Variants in TENM3 observed in about 807,000 individuals in gnomAD.
The protein encoded by TENM3 is teneurin transmembrane protein 3, also known as teneurin-3.
TENM3 carries 63 observed loss-of-function variants against 255.1 expected under a neutral mutation model. The ratio of observed to expected loss-of-function variants is 0.25; its 90% CI spans 0.20 to 0.30. TENM3 has a LOEUF of 0.30. Ranked by LOEUF, TENM3 falls within the 10% of genes least tolerant of loss-of-function variation. The probability of loss-of-function intolerance (pLI) is 1.00; values close to 1 mark genes in which losing one functional copy is unlikely to be tolerated. For missense variants in TENM3, 2,929 were observed against 3,461.1 expected (o/e 0.85, Z 3.86); for synonymous variants, 1,306 against 1,322.3 (o/e 0.99, Z 0.27).
chr4:182,745,649 A>C (rs929894527), intron 19 of TENM3, among the ~76,000 whole-genome samples: 1 of 152,196 alleles, frequency 6.6e-6, no homozygotes, highest in African/African-American at 2.4e-5. Context: ...AATGGGTAGC[A>C]GACAGTTAAA....
chr4:181,673,517 C>T, the TENM3 span, among the ~76,000 whole-genome samples: 3 of 151,976 alleles, frequency 2.0e-5, no homozygotes, highest in Non-Finnish European at 4.4e-5. Context: ...TGAATATCTA[C>T]AATATAATAA....
At chr4:181,896,830 G>A in the TENM3 span, among the ~76,000 whole-genome samples, 3 of 152,178 alleles carry the variant, frequency 2.0e-5, no homozygotes, top group Non-Finnish European at 4.4e-5. Context: ...CACATAGCTG[G>A]GCTCTGATTA....
the TENM3 span, among the ~76,000 whole-genome samples, chr4:181,652,299 G>A: frequency 3.9e-5 from 6 of 152,148 alleles, no homozygotes; most frequent in African/African-American, 1.2e-4. Flanking sequence ...CTTTGCAGAA[G>A]TCAGTAAGGG....
intron 3 of TENM3, among the ~76,000 whole-genome samples, chr4:182,405,021 T>C (rs1464339216): frequency 1.3e-5 from 2 of 152,074 alleles, no homozygotes; most frequent in African/African-American, 2.4e-5. Context: ...GGAACTTTAT[T>C]GTATTGCGGG....
At chr4:181,502,975 G>A in the TENM3 span, among the ~76,000 whole-genome samples, 5 of 152,144 alleles carry the variant, frequency 3.3e-5, no homozygotes, top group Non-Finnish European at 5.9e-5. Flanking sequence ...CAGACCACTC[G>A]CTGGCCGTGA....
At position 182,802,024 on chromosome 4, in the gene TENM3, A is replaced by T. The variant is rs1767008867; in HGVS notation, c.*1673A>T. ...TGGTGATAAAATATAGCAAGTGAACATGTCGTAAATATAAAGGTTCAAGTG... is the reference window on the plus strand; with the variant it reads ...TGGTGATAAAATATAGCAAGTGAACTTGTCGTAAATATAAAGGTTCAAGTG... On this transcript the variant is annotated 3_prime_UTR_variant, in exon 28 of 28. Coordinates refer to ENST00000511685, the MANE Select transcript of TENM3 (RefSeq NM_001080477.4). The T allele has an allele frequency of 6.5e-6, 1 of 152,694 alleles. No homozygotes were observed. The highest frequency in any genetic ancestry group is 1.5e-5 in the Non-Finnish European group (1 of 68,038). 9.5% of individuals were successfully genotyped at this position (152,694 alleles called of 1,614,324 possible).
intron 19 of TENM3, among the ~76,000 whole-genome samples, chr4:182,751,308 T>C (rs1203774317): frequency 1.3e-5 from 2 of 151,930 alleles, no homozygotes; most frequent in Non-Finnish European, 2.9e-5. Flanking sequence ...GGTACATTTC[T>C]TCAGGGGGAG....
the TENM3 span, among the ~76,000 whole-genome samples, chr4:181,673,505 A>G: frequency 6.6e-6 from 1 of 152,174 alleles, no homozygotes; most frequent in Non-Finnish European, 1.5e-5. Flanking sequence ...GGAATCATAT[A>G]TTGAATATCT....
At chr4:181,987,135 C>G in the TENM3 span, among the ~76,000 whole-genome samples, 1 of 152,056 alleles carries the variant, frequency 6.6e-6, no homozygotes, top group South Asian at 2.1e-4. Context: ...TGTTTTATCC[C>G]TGATCCCAGT....
In TENM3 at chr4:182,679,765, A is replaced by G. The variant is rs774002460; in HGVS notation, c.1426A>G (p.Ser476Gly). 46 of 1,613,864 alleles carry G rather than the reference A, an allele frequency of 2.9e-5. No homozygotes were observed. Among genetic ancestry groups the G allele is most frequent in the Non-Finnish European group, 3.8e-5 (45 of 1,179,884 alleles). ...AGCCGGGCGGCAGGCGAGATCCGTC[A>G]GCCTTCATGAGGCCGGCTTTATCCA... ...ERAGRQARSV[S>G]LHEAGFIQYL... The change falls in exon 8 of 28, where the codon AGC becomes GGC. Residue 476 changes from serine (S) to glycine (G), a missense_variant. Physicochemically the swap from Ser to Gly is moderately conservative, Grantham distance 56. Transcript: ENST00000511685.
At chr4:182,652,456 A>G (rs1417661758) in intron 5 of TENM3, among the ~76,000 whole-genome samples, 4 of 152,206 alleles carry the variant, frequency 2.6e-5, no homozygotes, top group Non-Finnish European at 5.9e-5. Flanking sequence ...TCTCCTTCAT[A>G]TGCCCTGTCT....
chr4:182,693,580 C>T (rs541131215), intron 12 of TENM3, among the ~76,000 whole-genome samples: 1 of 152,080 alleles, frequency 6.6e-6, no homozygotes, highest in African/African-American at 2.4e-5. Context: ...CTCAGGTGAT[C>T]CACTGCGCCC....
chr4:181,869,463 A>C, the TENM3 span, among the ~76,000 whole-genome samples: 1 of 152,148 alleles, frequency 6.6e-6, no homozygotes, highest in Non-Finnish European at 1.5e-5. Context: ...TAAAGCAGTT[A>C]GTGAGTTGCA....
intron 1 of TENM3, among the ~76,000 whole-genome samples, chr4:182,264,527 C>T (rs556467211): frequency 1.3e-5 from 2 of 152,314 alleles, no homozygotes; most frequent in African/African-American, 4.8e-5. Context: ...CTACTCTAGA[C>T]TCCTTCTGGG....
chr4:181,452,725 C>T, the TENM3 span, among the ~76,000 whole-genome samples: 506 of 152,110 alleles, frequency 3.3e-3, 3 homozygotes, highest in African/African-American at 9.5e-3. Flanking sequence ...GAGGAAATGC[C>T]GAGATGAGAT....
chr4:182,686,765 G>C (rs1756609526), intron 11 of TENM3, among the ~76,000 whole-genome samples: 1 of 152,066 alleles, frequency 6.6e-6, no homozygotes, highest in African/African-American at 2.4e-5. Context: ...TGTGCTAAAT[G>C]CTGATAAACA....
the TENM3 span, among the ~76,000 whole-genome samples, chr4:181,858,135 G>A: frequency 3.0e-3 from 461 of 152,250 alleles, 4 homozygotes; most frequent in East Asian, 0.016. Flanking sequence ...GTCCCACTCC[G>A]TCACCCAGGC....
intron 3 of TENM3, among the ~76,000 whole-genome samples, chr4:182,558,808 A>G (rs1347523668): frequency 6.6e-6 from 1 of 152,184 alleles, no homozygotes; most frequent in African/African-American, 2.4e-5. Flanking sequence ...CTTCTTCCAG[A>G]GAAGCTTTAA....
At chr4:182,207,219 A>G (rs1422128962) in intron 1 of TENM3, among the ~76,000 whole-genome samples, 1 of 152,186 alleles carries the variant, frequency 6.6e-6, no homozygotes, top group African/African-American at 2.4e-5. Context: ...TGGAATCTGA[A>G]TCTTTGACCC....
Sources: allele counts gnomAD v4.1 joint callset (sites outside exome capture counted in the v4.1 genomes callset), GRCh38; gene constraint gnomAD v4.1.1; transcripts MANE v1.5; gene names NCBI Gene and HGNC (gene_info 2026-07-23, HGNC 2026-07-21).